The following PALLD variants were observed in gnomAD, a reference collection of about 807,000 sequenced individuals.
PALLD encodes palladin, cytoskeletal associated protein, also known as palladin.
Under a neutral mutation model 123.5 loss-of-function variants are expected in PALLD, and 61 were observed. The ratio of observed to expected loss-of-function variants is 0.49; its 90% CI spans 0.40 to 0.61. The LOEUF (loss-of-function observed/expected upper bound fraction) is 0.61, where lower values mean the gene tolerates loss of function less well. PALLD is among the 20% of genes least tolerant of loss of function. The probability of loss-of-function intolerance (pLI) is 0.00; values close to 1 mark genes in which losing one functional copy is unlikely to be tolerated. For missense variants in PALLD, 1,273 were observed against 1,377.0 expected (o/e 0.92, Z 1.20); for synonymous variants, 465 against 496.4 (o/e 0.94, Z 0.84).
At chr4:168,875,121 A>G (rs1751570695) in intron 10 of PALLD, among the ~76,000 whole-genome samples, 1 of 152,068 alleles carries the variant, frequency 6.6e-6, no homozygotes, top group Admixed American at 6.6e-5. Context: ...TATTTCCAAA[A>G]TACTATGGAA....
chr4:168,763,012 CT>C (rs1201361617), intron 10 of PALLD, among the ~76,000 whole-genome samples: 1 of 152,010 alleles, frequency 6.6e-6, no homozygotes, highest in East Asian at 1.9e-4. Flanking sequence ...ACATCACACA[CT>C]GGGGCCTGTT....
intron 2 of PALLD, among the ~76,000 whole-genome samples, chr4:168,613,166 C>G (rs1354095508): frequency 6.6e-6 from 1 of 152,100 alleles, no homozygotes; most frequent in East Asian, 1.9e-4. Flanking sequence ...TGTCTAGGTG[C>G]CTTGTAGAGT....
intron 10 of PALLD, among the ~76,000 whole-genome samples, chr4:168,884,297 G>T (rs1204357276): frequency 6.6e-6 from 1 of 152,298 alleles, no homozygotes; most frequent in Non-Finnish European, 1.5e-5. Context: ...AAAGAGAAGA[G>T]GTTCCATATT....
At chr4:168,826,508 A>G (rs924100799) in intron 10 of PALLD, among the ~76,000 whole-genome samples, 8 of 152,192 alleles carry the variant, frequency 5.3e-5, no homozygotes, top group Non-Finnish European at 8.8e-5. Flanking sequence ...CCCTGGGATG[A>G]TAGTTATAGT....
chr4:168,638,534 A>G (rs1331285575), intron 2 of PALLD, among the ~76,000 whole-genome samples: 1 of 152,226 alleles, frequency 6.6e-6, no homozygotes, highest in Non-Finnish European at 1.5e-5. Flanking sequence ...TCTGGCGGCT[A>G]TAACGAAGTA....
Position 168,512,277 on chromosome 4 carries a change from ACCCACAGC to A in PALLD, c.782_789del (p.Pro261ArgfsTer30), listed in dbSNP as rs1254170010. The A allele has an allele frequency of 6.2e-7, 1 of 1,614,098 alleles. No homozygotes were observed. The highest frequency in any genetic ancestry group is 1.7e-5 in the Admixed American group (1 of 60,012). On this transcript the variant is annotated frameshift_variant, in exon 2 of 22. Coordinates refer to ENST00000505667, the MANE Select transcript of PALLD (RefSeq NM_001166108.2). LOFTEE classifies it high-confidence loss of function. The stretch of plus-strand genomic sequence containing the variant: ...GCAGTGCCACACAACCGCAAGTCTC[ACCCACAGC>A]CCCACAGCGCCCTCCACTTCCCAGC...
chr4:168,686,613 T>C (rs1005820898), intron 6 of PALLD: 1 of 152,338 alleles, frequency 6.6e-6, no homozygotes, highest in Non-Finnish European at 1.5e-5. Flanking sequence ...CATTTAAAAA[T>C]ATGGAACGCT....
rs138720209 is a variant in PALLD at position 168,670,006 on chromosome 4, A to G, written c.1087+1638A>G. ...ATAGGTATTTCAAAATGCTGCATGA[A>G]TGAAAAATGAATGATAAAAAGATGT... is the stretch of plus-strand genomic sequence containing the variant. On this transcript the variant is annotated intron_variant, in intron 3 of 21. Coordinates refer to ENST00000505667, the MANE Select transcript of PALLD (RefSeq NM_001166108.2). Among the ~76,000 whole-genome samples the G allele has an allele frequency of 4.3e-4, 65 of 152,330 alleles. No individual in the cohort carries two copies. The East Asian group carries it at 0.012, about 28-fold the overall frequency.
intron 2 of PALLD, among the ~76,000 whole-genome samples, chr4:168,619,690 A>T (rs1328856702): frequency 4.6e-5 from 7 of 152,164 alleles, no homozygotes; most frequent in Admixed American, 3.9e-4. Context: ...GTGATGGGGG[A>T]GTCTGTACTT....
chr4:168,569,221 T>C (rs1580356942), intron 2 of PALLD, among the ~76,000 whole-genome samples: 1 of 152,138 alleles, frequency 6.6e-6, no homozygotes, highest in Admixed American at 6.6e-5. Flanking sequence ...TGAAGTGAAC[T>C]GGCAGCCACT....
chr4:168,582,386 A>G (rs1770379031), intron 2 of PALLD, among the ~76,000 whole-genome samples: 1 of 152,066 alleles, frequency 6.6e-6, no homozygotes, highest in South Asian at 2.1e-4. Context: ...GGCTTTCTAT[A>G]TAAAAGATCA....
intron 10 of PALLD, among the ~76,000 whole-genome samples, chr4:168,796,551 C>T (rs1185897283): frequency 1.3e-4 from 20 of 152,172 alleles, no homozygotes; most frequent in Non-Finnish European, 2.6e-4. Context: ...GTACTCTTGG[C>T]CCAGGATCTG....
At chr4:168,561,290 C>T (rs1455983120) in intron 2 of PALLD, among the ~76,000 whole-genome samples, 1 of 152,062 alleles carries the variant, frequency 6.6e-6, no homozygotes, top group Non-Finnish European at 1.5e-5. Flanking sequence ...GAAACAGGGC[C>T]TCACTCTATC....
intron 2 of PALLD, among the ~76,000 whole-genome samples, chr4:168,552,306 G>A (rs1010258837): frequency 6.6e-6 from 1 of 152,140 alleles, no homozygotes; most frequent in Non-Finnish European, 1.5e-5. Flanking sequence ...TGGGAAGTTG[G>A]ATTCATTTGG....
intron 2 of PALLD, among the ~76,000 whole-genome samples, chr4:168,646,799 A>T (rs1398752619): frequency 6.6e-6 from 1 of 152,232 alleles, no homozygotes; most frequent in Admixed American, 6.5e-5. Context: ...GAAGATGAGG[A>T]TAGTGTCTAA....
chr4:168,604,672 C>T (rs1772992027), intron 2 of PALLD, among the ~76,000 whole-genome samples: 1 of 152,174 alleles, frequency 6.6e-6, no homozygotes, highest in Non-Finnish European at 1.5e-5. Flanking sequence ...ACATAAAGTG[C>T]ATGTCTCTGA....
At chr4:168,735,290 C>T (rs762603720) in intron 10 of PALLD, among the ~76,000 whole-genome samples, 11 of 152,164 alleles carry the variant, frequency 7.2e-5, no homozygotes, top group Non-Finnish European at 1.3e-4. Context: ...CTCGAGGTCC[C>T]GGCCCTCACT....
In PALLD at chr4:168,563,005, TA is replaced by T. The variant is rs1384031854; in HGVS notation, c.908+50594del. On this transcript the variant is annotated intron_variant, in intron 2 of 21. Transcript: ENST00000505667. ...GTGAAAAGAAGTTGGATTTGCGGTATATTTTTAGAGAGAGAGCTGGAAGAAC... is the reference window on the plus strand; with the variant it reads ...GTGAAAAGAAGTTGGATTTGCGGTATTTTTTAGAGAGAGAGCTGGAAGAAC... 3.3e-5 allele frequency among the ~76,000 whole-genome samples: 5 copies of T among 152,178 alleles called. No homozygotes were observed. The South Asian group carries it at 8.3e-4, about 25-fold the overall frequency.
chr4:168,561,622 T>C (rs72982720), intron 2 of PALLD, among the ~76,000 whole-genome samples: 15,269 of 152,278 alleles, frequency 0.1, 784 homozygotes, highest in Middle Eastern at 0.15. Flanking sequence ...AAAAAATATA[T>C]TCAAAACATA....
Sources: gnomAD v4.1 joint callset for allele counts (sites outside exome capture counted in the v4.1 genomes callset) on GRCh38, gnomAD v4.1.1 for gene constraint, MANE v1.5 for transcripts, NCBI Gene and HGNC (gene_info 2026-07-23, HGNC 2026-07-21) for gene names.